Variants in BICDL1 observed in about 807,000 individuals in gnomAD.
The protein encoded by BICDL1 is BICD family like cargo adaptor 1, also known as BICD family-like cargo adapter 1.
BICDL1 carries 20 observed loss-of-function variants against 76.8 expected under a neutral mutation model. The observed-to-expected ratio is 0.26, with a 90% CI of 0.18 to 0.38. BICDL1 has a LOEUF of 0.38. BICDL1 is among the 10% of genes least tolerant of loss of function. The probability of loss-of-function intolerance (pLI) is 1.00; values close to 1 mark genes in which losing one functional copy is unlikely to be tolerated. For missense variants in BICDL1, 700 were observed against 798.6 expected (o/e 0.88, Z 1.49); for synonymous variants, 383 against 337.1 (o/e 1.14, Z -1.49).
At chr12:120,023,226 G>A (rs1952218287) in intron 2 of BICDL1, among the ~76,000 whole-genome samples, 2 of 152,118 alleles carry the variant, frequency 1.3e-5, no homozygotes, top group Middle Eastern at 3.2e-3. Flanking sequence ...AAAATAAATT[G>A]CAAAAAGATC....
chr12:120,057,475 T>C (rs1314529719), intron 2 of BICDL1, among the ~76,000 whole-genome samples: 1 of 152,122 alleles, frequency 6.6e-6, no homozygotes, highest in Non-Finnish European at 1.5e-5. Flanking sequence ...GCATTTAACT[T>C]CCAGAAAGCA....
chr12:120,031,450 C>T (rs1239259848), intron 2 of BICDL1, among the ~76,000 whole-genome samples: 6 of 152,126 alleles, frequency 3.9e-5, no homozygotes, highest in East Asian at 1.9e-4. Context: ...GTGATCTGCC[C>T]GCCTCAGCCT....
chr12:120,078,553 A>T (rs1258854806), intron 7 of BICDL1, among the ~76,000 whole-genome samples: 1 of 152,158 alleles, frequency 6.6e-6, no homozygotes, highest in African/African-American at 2.4e-5. Flanking sequence ...AGAGCTTACA[A>T]CCACATGCAT....
chr12:120,066,628 G>A (rs1165308972), intron 4 of BICDL1, among the ~76,000 whole-genome samples: 1 of 152,112 alleles, frequency 6.6e-6, no homozygotes, highest in Non-Finnish European at 1.5e-5. Flanking sequence ...TTCACCTAAG[G>A]ACCTGCAGCA....
chr12:119,992,418 A>G (rs1339909689), intron 1 of BICDL1: 1 of 152,084 alleles, frequency 6.6e-6, no homozygotes, highest in Non-Finnish European at 1.5e-5. Context: ...TTTCTTTTTT[A>G]GACAAGATCT....
At chr12:119,990,398 A>C in intron 1 of BICDL1, 101 bp downstream of exon 1, 5 of 1,496,108 alleles carry the variant, frequency 3.3e-6, no homozygotes, top group Non-Finnish European at 4.4e-6. Flanking sequence ...TTCGTTGCTC[A>C]CCCTACCTCG....
At chr12:120,006,196 A>G (rs943306139) in intron 2 of BICDL1, among the ~76,000 whole-genome samples, 10 of 152,160 alleles carry the variant, frequency 6.6e-5, no homozygotes, top group African/African-American at 2.4e-4. Context: ...GTGCCTGGAG[A>G]GGAGGCTTCT....
At position 120,076,796 on chromosome 12, in the gene BICDL1, G is replaced by C. The variant is rs145303001; in HGVS notation, c.1452+2210G>C. ...AGTAACACTGGCCTCCCAAGGCAGGGGTAGGGTGCAGATTGAGTCCCAGAA... is the reference window on the plus strand; with the variant it reads ...AGTAACACTGGCCTCCCAAGGCAGGCGTAGGGTGCAGATTGAGTCCCAGAA... On this transcript the variant is annotated intron_variant, in intron 7 of 9. Transcript: ENST00000548673. Among the ~76,000 whole-genome samples the C allele has an allele frequency of 4.9e-3, 747 of 152,324 alleles. 7 individuals carry two copies. The highest frequency in any genetic ancestry group is 0.017 in the African/African-American group (712 of 41,570).
intron 2 of BICDL1, among the ~76,000 whole-genome samples, chr12:120,044,456 G>A (rs958738698): frequency 3.9e-5 from 6 of 152,162 alleles, no homozygotes; most frequent in Non-Finnish European, 2.9e-5. Flanking sequence ...GTACACCCCA[G>A]CCCATTTCCA....
At chr12:120,073,871 A>G (rs1017395233) in intron 6 of BICDL1, among the ~76,000 whole-genome samples, 1 of 152,216 alleles carries the variant, frequency 6.6e-6, no homozygotes, top group African/African-American at 2.4e-5. Flanking sequence ...GCCTGAAACA[A>G]AAGTGAACAT....
At chr12:120,000,806 A>G (rs546644319) in intron 2 of BICDL1, among the ~76,000 whole-genome samples, 37 of 152,330 alleles carry the variant, frequency 2.4e-4, no homozygotes, top group African/African-American at 7.7e-4. Flanking sequence ...TTTCTTTAAA[A>G]TGGGTGTAAA....
intron 7 of BICDL1, among the ~76,000 whole-genome samples, chr12:120,077,636 T>C (rs1594206605): frequency 6.6e-6 from 1 of 152,210 alleles, no homozygotes; most frequent in Non-Finnish European, 1.5e-5. Flanking sequence ...GCTGGGAGCC[T>C]GTGGGCTTCA....
intron 8 of BICDL1, among the ~76,000 whole-genome samples, chr12:120,084,923 C>T (rs1158950114): frequency 6.6e-6 from 1 of 151,144 alleles, no homozygotes; most frequent in Non-Finnish European, 1.5e-5. Context: ...CATACTCTAA[C>T]CTCACTTCCA....
intron 2 of BICDL1, among the ~76,000 whole-genome samples, chr12:120,056,343 T>G (rs1952970657): frequency 6.6e-6 from 1 of 152,246 alleles, no homozygotes; most frequent in African/African-American, 2.4e-5. Context: ...AAGTAATTAC[T>G]GGCTGCTTAG....
intron 2 of BICDL1, among the ~76,000 whole-genome samples, chr12:120,027,027 CTTTTTTTTT>C (rs10606114): frequency 8.5e-6 from 1 of 118,100 alleles, no homozygotes; most frequent in African/African-American, 3.4e-5. Flanking sequence ...GATGTAATTT[CTTTTTTTTT>C]TTTTTTTTTT....
intron 9 of BICDL1, chr12:120,090,887 C>G (rs1432702565): frequency 4.2e-5 from 54 of 1,288,712 alleles, no homozygotes; most frequent in Non-Finnish European, 5.2e-5. Flanking sequence ...GACCGCTGCT[C>G]TCTCTCTTCT....
At position 120,071,732 on chromosome 12, in the gene BICDL1, C is replaced by T. The variant is rs1241950978; in HGVS notation, c.1020C>T (p.Thr340=). Residue 340 remains threonine, a synonymous_variant, in exon 5 of 10, where the codon ACC becomes ACT. Transcript: ENST00000548673. The surrounding 1 kb of genome is among the most constrained non-coding windows in gnomAD (Gnocchi z 4.8). ...GGAGTCTGCAGAGCTCTGCCGCCAC[C>T]AGCACATCCCTCCTGTCAGAGATCG... is the stretch of plus-strand genomic sequence containing the variant. The part of the protein sequence containing the change: ...EERSLQSSAA[T]STSLLSEIEQ... 1.9e-6 allele frequency: 3 copies of T among 1,612,286 alleles called. No homozygotes were observed. Among genetic ancestry groups the T allele is most frequent in the Non-Finnish European group, 1.7e-6 (2 of 1,179,902 alleles).
chr12:120,024,864 G>A (rs1952257401), intron 2 of BICDL1, among the ~76,000 whole-genome samples: 1 of 151,950 alleles, frequency 6.6e-6, no homozygotes, highest in Non-Finnish European at 1.5e-5. Flanking sequence ...TTTTAGTAAA[G>A]ACGGATTTTC....
chr12:120,041,634 A>G (rs144674074), intron 2 of BICDL1, among the ~76,000 whole-genome samples: 3 of 152,284 alleles, frequency 2.0e-5, no homozygotes, highest in African/African-American at 7.2e-5. Flanking sequence ...CGGCACAGGT[A>G]GGGTTAGGGT....
Sources: allele counts gnomAD v4.1 joint callset (sites outside exome capture counted in the v4.1 genomes callset), GRCh38; gene constraint gnomAD v4.1.1; non-coding constraint Gnocchi (gnomAD v3.1); transcripts MANE v1.5; gene names NCBI Gene and HGNC (gene_info 2026-07-23, HGNC 2026-07-21).